CAMTA1: variants seen among roughly 807,000 people sequenced by gnomAD.
CAMTA1 encodes calmodulin binding transcription activator 1.
Under a neutral mutation model 170.9 loss-of-function variants are expected in CAMTA1, and 27 were observed. The observed-to-expected ratio is 0.16, with a 90% CI of 0.12 to 0.22. The LOEUF (loss-of-function observed/expected upper bound fraction) is 0.22. Among genes scored for constraint, CAMTA1 ranks in the 10% least tolerant of loss-of-function variants. The probability of loss-of-function intolerance (pLI) is 1.00; values close to 1 mark genes in which losing one functional copy is unlikely to be tolerated. For missense variants in CAMTA1, 1,619 were observed against 2,217.2 expected (o/e 0.73, Z 5.42); for synonymous variants, 833 against 891.5 (o/e 0.93, Z 1.17).
intron 6 of CAMTA1, among the ~76,000 whole-genome samples, chr1:7,616,653 G>C (rs2095560976): frequency 1.3e-5 from 2 of 152,064 alleles, no homozygotes; most frequent in South Asian, 4.1e-4. Flanking sequence ...GAATGGAGGG[G>C]GACCCTAGGG....
chr1:6,855,256 T>C (rs952474818), intron 3 of CAMTA1, among the ~76,000 whole-genome samples: 4 of 151,996 alleles, frequency 2.6e-5, no homozygotes, highest in Admixed American at 2.6e-4. Context: ...ACCAGTTGTA[T>C]TAGTTTGTCC....
chr1:6,905,145 C>T (rs1678116916), intron 3 of CAMTA1, among the ~76,000 whole-genome samples: 1 of 151,380 alleles, frequency 6.6e-6, no homozygotes, highest in South Asian at 2.1e-4. Flanking sequence ...AGCTTGGGCC[C>T]TCGTGAGTCC....
chr1:6,959,075 T>C (rs1190189853), intron 3 of CAMTA1, among the ~76,000 whole-genome samples: 1 of 152,238 alleles, frequency 6.6e-6, no homozygotes, highest in African/African-American at 2.4e-5. Context: ...CCTTGAGTAT[T>C]TTGGCAGAGT....
At chr1:7,704,545 C>T (rs996198033) in intron 11 of CAMTA1, among the ~76,000 whole-genome samples, 2 of 148,298 alleles carry the variant, frequency 1.3e-5, no homozygotes, top group South Asian at 2.1e-4. Context: ...GCGGCTCGGG[C>T]GCAGTTCCGG....
rs958849829 is a variant in CAMTA1 at position 7,665,644 on chromosome 1, G to A, written c.2652+445G>A. ...TCCGGAGGAGCACTTGAGCCCAAGA[G>A]GTTGAGGCTGCAGTGAGCTGTGGTT... On this transcript the variant is annotated intron_variant, in intron 9 of 22. Transcript: ENST00000303635. The surrounding 1 kb of genome is among the most constrained non-coding windows in gnomAD (Gnocchi z 4.3). 1.3e-5 allele frequency among the ~76,000 whole-genome samples: 2 copies of A among 152,192 alleles called. No homozygotes were observed. Among genetic ancestry groups the A allele is most frequent in the Admixed American group, 1.3e-4 (2 of 15,288 alleles).
intron 3 of CAMTA1, among the ~76,000 whole-genome samples, chr1:7,023,872 T>A (rs4908435): frequency 0.6 from 91,201 of 151,144 alleles, 28,522 homozygotes; most frequent in African/African-American, 0.79. Context: ...TACTAAAAAT[T>A]CAAAAATTAG....
chr1:7,374,702 C>G, intron 5 of CAMTA1, among the ~76,000 whole-genome samples: 1 of 152,230 alleles, frequency 6.6e-6, no homozygotes, highest in East Asian at 1.9e-4. Context: ...TGCACGCTCA[C>G]CAGATACCAG....
chr1:7,095,204 G>A (rs970838060), intron 4 of CAMTA1, among the ~76,000 whole-genome samples: 1 of 152,196 alleles, frequency 6.6e-6, no homozygotes, highest in Admixed American at 6.5e-5. Context: ...GAAGAGGAGA[G>A]GGATTTTTAG....
intron 3 of CAMTA1, among the ~76,000 whole-genome samples, chr1:7,026,661 G>A (rs11120819): frequency 0.14 from 19,506 of 140,734 alleles, 1,456 homozygotes; most frequent in Non-Finnish European, 0.18. Context: ...TTTTTGAGAC[G>A]GAATCTTTCA....
chr1:7,439,423 C>T (rs1407688159), intron 5 of CAMTA1, among the ~76,000 whole-genome samples: 2 of 152,176 alleles, frequency 1.3e-5, no homozygotes, highest in Non-Finnish European at 1.5e-5. Context: ...GGACACTACC[C>T]TGAAGCACGT....
chr1:7,492,777 G>GCA (rs142048317), intron 6 of CAMTA1, among the ~76,000 whole-genome samples: 88,505 of 135,176 alleles, frequency 0.65, 29,241 homozygotes, highest in East Asian at 0.82. Flanking sequence ...ATACACAAGT[G>GCA]CACACACAAA....
intron 4 of CAMTA1, among the ~76,000 whole-genome samples, chr1:7,102,052 AC>A (rs1642801927): frequency 1.9e-5 from 2 of 105,118 alleles, no homozygotes; most frequent in Non-Finnish European, 4.6e-5. Flanking sequence ...ACACACACAC[AC>A]ACACACACAC....
chr1:7,398,595 T>C (rs945116582), intron 5 of CAMTA1, among the ~76,000 whole-genome samples: 4 of 152,204 alleles, frequency 2.6e-5, no homozygotes, highest in Admixed American at 6.5e-5. Context: ...ACTTAATCCA[T>C]TTACATTGAA....
chr1:7,438,345 G>A (rs1423671262), intron 5 of CAMTA1, among the ~76,000 whole-genome samples: 1 of 152,186 alleles, frequency 6.6e-6, no homozygotes, highest in Non-Finnish European at 1.5e-5. Flanking sequence ...GCTTTCTTTG[G>A]AGTCTTTTAA....
At chr1:7,377,835 C>T (rs1233894457) in intron 5 of CAMTA1, among the ~76,000 whole-genome samples, 2 of 152,018 alleles carry the variant, frequency 1.3e-5, no homozygotes, top group African/African-American at 4.8e-5. Flanking sequence ...GCAAGGGAAT[C>T]GCTTGAACCC....
At chr1:6,860,964 CTTT>C (rs1247559136) in intron 3 of CAMTA1, among the ~76,000 whole-genome samples, 17 of 127,850 alleles carry the variant, frequency 1.3e-4, no homozygotes, top group African/African-American at 1.7e-4. Flanking sequence ...GTGTGACTTA[CTTT>C]TTTTTTTTTT....
chr1:7,595,676 G>C (rs929195612), intron 6 of CAMTA1, among the ~76,000 whole-genome samples: 1 of 152,172 alleles, frequency 6.6e-6, no homozygotes, highest in Admixed American at 6.5e-5. Flanking sequence ...TTTAGAGATG[G>C]GGAAACTGAG....
intron 3 of CAMTA1, among the ~76,000 whole-genome samples, chr1:6,836,979 A>T (rs185303148): frequency 6.8e-6 from 1 of 147,826 alleles, no homozygotes; most frequent in Non-Finnish European, 1.5e-5. Flanking sequence ...TCTCTGTTGC[A>T]TAGGCTGGAG....
At chr1:7,594,331 A>G (rs2095381761) in intron 6 of CAMTA1, among the ~76,000 whole-genome samples, 1 of 152,120 alleles carries the variant, frequency 6.6e-6, no homozygotes, top group African/African-American at 2.4e-5. Flanking sequence ...TGTTCCAGAC[A>G]GGGGGACCAG....
Sources: gnomAD v4.1 joint callset for allele counts (sites outside exome capture counted in the v4.1 genomes callset) on GRCh38, gnomAD v4.1.1 for gene constraint, Gnocchi (gnomAD v3.1) non-coding constraint, MANE v1.5 for transcripts, NCBI Gene and HGNC (gene_info 2026-07-23, HGNC 2026-07-21) for gene names.